PLEKHG1: variants seen among roughly 807,000 people sequenced by gnomAD.
PLEKHG1 encodes pleckstrin homology domain-containing family G member 1.
A neutral mutation model predicts 100.8 loss-of-function variants in PLEKHG1; 44 were observed. That is an observed-to-expected ratio of 0.44 (90% CI 0.34 to 0.56). PLEKHG1 has a LOEUF of 0.56. Ranked by LOEUF, PLEKHG1 falls within the 20% of genes least tolerant of loss-of-function variation. The pLI, the probability that PLEKHG1 is intolerant of heterozygous loss-of-function variation, is 0.01. For missense variants in PLEKHG1, 1,545 were observed against 1,720.9 expected, an observed-to-expected ratio of 0.90 and a Z score of 1.81; for synonymous variants, 640 against 662.5, an observed-to-expected ratio of 0.97 and a Z score of 0.52.
intron 2 of PLEKHG1, among the ~76,000 whole-genome samples, chr6:150,765,013 A>G (rs1476125522): frequency 6.6e-6 from 1 of 152,120 alleles, no homozygotes; most frequent in African/African-American, 2.4e-5. Flanking sequence ...CCTCAAAATA[A>G]AAAGATGGGA....
chr6:150,761,645 GTCCTGTTGCT>G (rs902155917), intron 2 of PLEKHG1, among the ~76,000 whole-genome samples: 4 of 152,086 alleles, frequency 2.6e-5, no homozygotes. Context: ...AAAGATGGGC[GTCCTGTTGCT>G]TTAAGAACTT....
At chr6:150,799,178 A>G (rs1786545812) in intron 5 of PLEKHG1, among the ~76,000 whole-genome samples, 4 of 152,212 alleles carry the variant, frequency 2.6e-5, no homozygotes, top group Admixed American at 2.6e-4. Flanking sequence ...ATATTCATAG[A>G]TAAATATTTT....
intron 3 of PLEKHG1, among the ~76,000 whole-genome samples, chr6:150,690,582 C>T (rs1208284661): frequency 6.6e-6 from 1 of 152,146 alleles, no homozygotes; most frequent in African/African-American, 2.4e-5. Flanking sequence ...TATGAGTAGC[C>T]TGCCATTCAG....
intron 2 of PLEKHG1, among the ~76,000 whole-genome samples, chr6:150,747,578 G>T (rs191064135): frequency 6.6e-6 from 1 of 151,830 alleles, no homozygotes; most frequent in Admixed American, 6.6e-5. Context: ...TTAAATTGTG[G>T]TAACATATAC....
At chr6:150,643,870 G>A (rs1323007389) in intron 2 of PLEKHG1, among the ~76,000 whole-genome samples, 1 of 151,226 alleles carries the variant, frequency 6.6e-6, no homozygotes, top group East Asian at 1.9e-4. Flanking sequence ...CAAATTCTAG[G>A]ATTTTTTCCC....
In PLEKHG1 at chr6:150,832,219, G is replaced by A. The variant is rs114132087; in HGVS notation, c.3094+14G>A. The A allele has an allele frequency of 4.8e-4, 743 of 1,544,946 alleles. 6 individuals carry two copies. The African/African-American group carries it at 9.3e-3, about 19-fold the overall frequency. ...GGCCCGCCATTGGTATGTGCACCCT[G>A]CCCTTCTTCCTTCTCCAAAGTAAGA... On this transcript the variant is annotated intron_variant, in intron 15 of 15. Transcript: ENST00000358517.
chr6:150,835,017 G>A (rs529076938), intron 15 of PLEKHG1, among the ~76,000 whole-genome samples: 4 of 152,164 alleles, frequency 2.6e-5, no homozygotes, highest in East Asian at 1.9e-4. Flanking sequence ...AGACTTCTCC[G>A]TGTGGGCCTT....
chr6:150,736,205 A>G (rs1008770714), intron 2 of PLEKHG1, among the ~76,000 whole-genome samples: 3 of 152,196 alleles, frequency 2.0e-5, no homozygotes, highest in East Asian at 3.9e-4. Flanking sequence ...GTTTGACCCA[A>G]CGGCCACAGT....
At chr6:150,812,617 T>C (rs1467332775) in intron 10 of PLEKHG1, among the ~76,000 whole-genome samples, 2 of 152,266 alleles carry the variant, frequency 1.3e-5, no homozygotes, top group Middle Eastern at 3.4e-3. Context: ...CTTTTTTATA[T>C]GTAAAGTTCA....
At chr6:150,704,079 T>C (rs1392674536) in intron 3 of PLEKHG1, among the ~76,000 whole-genome samples, 2 of 152,098 alleles carry the variant, frequency 1.3e-5, no homozygotes, top group East Asian at 1.9e-4. Context: ...AGTTTCGGAG[T>C]TGAAAGTATC....
intron 2 of PLEKHG1, 110 bp downstream of exon 3, chr6:150,734,202 T>C: frequency 9.5e-7 from 1 of 1,056,770 alleles, no homozygotes; most frequent in Admixed American, 2.3e-5. Context: ...GCGGAAGGGA[T>C]GTGAATGTTT....
At chr6:150,663,638 C>A (rs1440558097) in intron 3 of PLEKHG1, 1 of 151,166 alleles carries the variant, frequency 6.6e-6, no homozygotes, top group Non-Finnish European at 1.5e-5. Context: ...ACTGCAACCT[C>A]CACCTCCTGG....
intron 3 of PLEKHG1, among the ~76,000 whole-genome samples, chr6:150,667,147 C>T (rs1779433515): frequency 6.6e-6 from 1 of 152,072 alleles, no homozygotes; most frequent in Non-Finnish European, 1.5e-5. Flanking sequence ...CTATTTAAAT[C>T]ATATAGCATG....
intron 3 of PLEKHG1, among the ~76,000 whole-genome samples, chr6:150,671,757 A>G (rs9478777): frequency 0.078 from 11,910 of 152,278 alleles, 548 homozygotes; most frequent in Non-Finnish European, 0.1. Context: ...ACTAGGGAAG[A>G]CCTACATGAA....
chr6:150,684,809 A>C (rs1780063258), intron 3 of PLEKHG1, among the ~76,000 whole-genome samples: 1 of 151,804 alleles, frequency 6.6e-6, no homozygotes, highest in Non-Finnish European at 1.5e-5. Context: ...GATGGGGGGA[A>C]ATGACTTCAT....
rs1045395209 is a variant in PLEKHG1, at chr6:150,776,216, C to G, written c.512+7478C>G. On this transcript the variant is annotated intron_variant, in intron 3 of 15. Transcript: ENST00000358517. ...TAGGAAATTTTATAATTGTTTTAAC[C>G]GTCCTACTCAAAAAGAAGAAAATAT... 3.3e-5 allele frequency among the ~76,000 whole-genome samples: 5 copies of G among 152,278 alleles called. No individual in the cohort carries two copies. In the East Asian group the frequency reaches 7.7e-4, roughly 23 times the overall value.
At chr6:150,731,284 C>A (rs9478805) in intron 1 of PLEKHG1, among the ~76,000 whole-genome samples, 28,618 of 152,080 alleles carry the variant, frequency 0.19, 4,314 homozygotes, top group African/African-American at 0.41. Context: ...ATAGAACAAG[C>A]AGAAAGAATA....
chr6:150,680,725 T>C (rs1779901431), intron 3 of PLEKHG1, among the ~76,000 whole-genome samples: 1 of 152,226 alleles, frequency 6.6e-6, no homozygotes. Flanking sequence ...AGCAGCATCA[T>C]ATTACAGGTA....
chr6:150,841,175 C>A, exon 16 of PLEKHG1: 2 of 546,852 alleles, frequency 3.7e-6, no homozygotes, highest in Non-Finnish European at 6.7e-6. Flanking sequence ...ACTTTTAACA[C>A]GATGGCCATA....
Sources: gnomAD v4.1 joint callset for allele counts (sites outside exome capture counted in the v4.1 genomes callset) on GRCh38, gnomAD v4.1.1 for gene constraint, MANE v1.5 for transcripts, NCBI Gene and HGNC (gene_info 2026-07-23, HGNC 2026-07-21) for gene names.